SYT14: variants seen among roughly 807,000 people sequenced by gnomAD.
SYT14 encodes synaptotagmin 14.
In SYT14, 32 loss-of-function variants were observed where a neutral mutation model predicts 74.2. The observed-to-expected ratio is 0.43, with a 90% CI of 0.33 to 0.58. The LOEUF (loss-of-function observed/expected upper bound fraction) is 0.58, where lower values mean the gene tolerates loss of function less well. SYT14 is among the 20% of genes least tolerant of loss of function. The probability of loss-of-function intolerance (pLI) is 0.05; values close to 1 mark genes in which losing one functional copy is unlikely to be tolerated. For synonymous variants in SYT14, 298 were observed against 337.7 expected, an observed-to-expected ratio of 0.88 and a Z score of 1.29; for missense variants, 791 against 981.8, an observed-to-expected ratio of 0.81 and a Z score of 2.60.
At chr1:209,956,549 A>G (rs535429120) in intron 2 of SYT14, among the ~76,000 whole-genome samples, 1 of 152,302 alleles carries the variant, frequency 6.6e-6, no homozygotes, top group East Asian at 1.9e-4. Flanking sequence ...TACATTCCTT[A>G]AGATTACCAT....
At chr1:210,088,671 T>C (rs976549829) in intron 5 of SYT14, among the ~76,000 whole-genome samples, 10 of 152,002 alleles carry the variant, frequency 6.6e-5, no homozygotes, top group Non-Finnish European at 1.2e-4. Context: ...AAGAATGAGT[T>C]CATGTCCTTT....
chr1:210,143,320 A>G (rs17015652), intron 7 of SYT14, among the ~76,000 whole-genome samples: 20,470 of 152,210 alleles, frequency 0.13, 4,421 homozygotes, highest in African/African-American at 0.45. Context: ...AATCAGGGAA[A>G]TAATTACTGA....
At chr1:210,073,840 A>G (rs936287270) in intron 5 of SYT14, among the ~76,000 whole-genome samples, 1 of 152,142 alleles carries the variant, frequency 6.6e-6, no homozygotes, top group African/African-American at 2.4e-5. Flanking sequence ...AGCTGAATCT[A>G]AAATAAAATC....
intron 2 of SYT14, among the ~76,000 whole-genome samples, chr1:209,980,606 T>G (rs1465513244): frequency 6.6e-6 from 1 of 152,214 alleles, no homozygotes; most frequent in Non-Finnish European, 1.5e-5. Flanking sequence ...CTTTATTTTA[T>G]CTCAAGTTGA....
At chr1:210,162,849 T>G (rs775995113) in exon 10 of SYT14, 15 of 453,202 alleles carry the variant, frequency 3.3e-5, no homozygotes, top group Middle Eastern at 6.8e-4. Context: ...TTGGATGACA[T>G]GAGGTTTGAG....
chr1:209,998,566 A>G (rs2079838519), intron 2 of SYT14, among the ~76,000 whole-genome samples: 1 of 152,082 alleles, frequency 6.6e-6, no homozygotes, highest in African/African-American at 2.4e-5. Flanking sequence ...GGCTATAGTA[A>G]CAGAACAGCA....
At chr1:210,032,260 C>T (rs1385351244) in intron 5 of SYT14, among the ~76,000 whole-genome samples, 2 of 152,002 alleles carry the variant, frequency 1.3e-5, no homozygotes, top group Non-Finnish European at 1.5e-5. Context: ...CAGTAGCATA[C>T]CAGCTGCTTC....
intron 2 of SYT14, among the ~76,000 whole-genome samples, chr1:209,959,204 G>A (rs764522022): frequency 2.6e-5 from 4 of 152,108 alleles, no homozygotes; most frequent in South Asian, 2.1e-4. Flanking sequence ...GTGCAGTGGC[G>A]TGATCTCAGC....
chr1:210,083,556 A>G (rs1023412432), intron 5 of SYT14, among the ~76,000 whole-genome samples: 1 of 151,856 alleles, frequency 6.6e-6, no homozygotes, highest in Middle Eastern at 3.4e-3. Flanking sequence ...GTGTGCCACA[A>G]TGCTCAGCTA....
At chr1:209,995,172 A>G (rs1161770182) in intron 2 of SYT14, among the ~76,000 whole-genome samples, 2 of 152,048 alleles carry the variant, frequency 1.3e-5, no homozygotes, top group Non-Finnish European at 2.9e-5. Context: ...ATACACTAAA[A>G]CCCCACTTAA....
chr1:210,050,308 T>A (rs542095852), intron 5 of SYT14, among the ~76,000 whole-genome samples: 1 of 152,224 alleles, frequency 6.6e-6, no homozygotes, highest in Non-Finnish European at 1.5e-5. Flanking sequence ...ACCTTTGCTC[T>A]GGTTCTCAAC....
intron 7 of SYT14, among the ~76,000 whole-genome samples, chr1:210,115,405 G>C (rs1349749095): frequency 6.6e-6 from 1 of 151,160 alleles, no homozygotes; most frequent in Non-Finnish European, 1.5e-5. Flanking sequence ...TAAGGGTGAA[G>C]GATCAAGGCA....
At chr1:210,150,116 G>C (rs894130968) in intron 7 of SYT14, among the ~76,000 whole-genome samples, 1 of 152,192 alleles carries the variant, frequency 6.6e-6, no homozygotes, top group African/African-American at 2.4e-5. Flanking sequence ...GTTTGAGCAA[G>C]TAGGATGCTG....
intron 7 of SYT14, among the ~76,000 whole-genome samples, chr1:210,131,356 C>T (rs1164008008): frequency 1.3e-5 from 2 of 151,678 alleles, no homozygotes; most frequent in Non-Finnish European, 2.9e-5. Context: ...AAATTTTCTC[C>T]CTTTTATATG....
At position 210,114,176 on chromosome 1, in the gene SYT14, G is replaced by A. The variant is rs578150882; in HGVS notation, c.2034+13715G>A. On this transcript the variant is annotated intron_variant, in intron 7 of 9. Transcript: ENST00000637265. ...GGCTGCCAGGCAAGCTGGACAGTCC[G>A]ATTTCCAGTGGGGTCCCTCACAGAT... Among the ~76,000 whole-genome samples the A allele has an allele frequency of 5.3e-5, 8 of 151,580 alleles. 1 individual carries two copies. Among genetic ancestry groups the A allele is most frequent in the African/African-American group, 1.5e-4 (6 of 40,838 alleles).
chr1:209,967,284 C>T (rs1394998299), intron 2 of SYT14, among the ~76,000 whole-genome samples: 1 of 152,040 alleles, frequency 6.6e-6, no homozygotes, highest in East Asian at 1.9e-4. Flanking sequence ...TTTCATGCCT[C>T]TTTCTAGTTT....
chr1:210,126,362 T>G lies in SYT14; in HGVS notation c.2034+25901T>G, dbSNP rs1199443279. 2.0e-5 allele frequency among the ~76,000 whole-genome samples: 3 copies of G among 150,260 alleles called. No homozygotes were observed. In the East Asian group the frequency reaches 5.8e-4, roughly 29 times the overall value. ...TTATGGCCAAAAAAAAAAAAATGCA[T>G]AGAAAGGTTAACTGAATTGCCCAAA... On this transcript the variant is annotated intron_variant, in intron 7 of 9. Transcript: ENST00000637265.
exon 6 of SYT14, chr1:210,094,516 C>A: frequency 6.2e-7 from 1 of 1,613,644 alleles, no homozygotes; most frequent in South Asian, 1.1e-5. Flanking sequence ...AAGCACAGGT[C>A]ATGAAATAGA....
At chr1:210,125,037 A>T (rs965297208) in intron 7 of SYT14, among the ~76,000 whole-genome samples, 1 of 151,960 alleles carries the variant, frequency 6.6e-6, no homozygotes, top group Non-Finnish European at 1.5e-5. Flanking sequence ...CAAACGAAAG[A>T]TGTTTTTCCT....
Sources: gnomAD v4.1 joint callset for allele counts (sites outside exome capture counted in the v4.1 genomes callset) on GRCh38, gnomAD v4.1.1 for gene constraint, MANE v1.5 for transcripts, NCBI Gene and HGNC (gene_info 2026-07-23, HGNC 2026-07-21) for gene names.